The following ARID1B variants were observed in gnomAD, a reference collection of about 807,000 sequenced individuals.
The protein encoded by ARID1B is AT-rich interaction domain 1B, also known as AT-rich interactive domain-containing protein 1B.
In ARID1B, 30 loss-of-function variants were observed where a neutral mutation model predicts 212.3. The ratio of observed to expected loss-of-function variants is 0.14; its 90% CI spans 0.11 to 0.19. ARID1B has a LOEUF of 0.19. Ranked by LOEUF, ARID1B falls within the 10% of genes least tolerant of loss-of-function variation. The pLI, the probability that ARID1B is intolerant of heterozygous loss-of-function variation, is 1.00. For synonymous variants in ARID1B, 1,402 were observed against 1,301.7 expected, an observed-to-expected ratio of 1.08 and a Z score of -1.66; for missense variants, 2,891 against 3,204.0, an observed-to-expected ratio of 0.90 and a Z score of 2.36.
At chr6:157,186,510 G>C (rs987985883) in intron 13 of ARID1B, 2 of 471,070 alleles carry the variant, frequency 4.2e-6, no homozygotes, top group Admixed American at 2.3e-5. Context: ...GAAGCCTCTC[G>C]ATTCACTGCC....
At chr6:157,126,719 ATTTAC>A (rs1424810199) in intron 6 of ARID1B, among the ~76,000 whole-genome samples, 1 of 152,186 alleles carries the variant, frequency 6.6e-6, no homozygotes, top group African/African-American at 2.4e-5. Context: ...CATGTTAGAT[ATTTAC>A]TTGGGACCCT....
In ARID1B at chr6:157,148,910, C is replaced by T. The variant is rs374572368; in HGVS notation, c.3048C>T (p.Ala1016=). Residue 1016 remains alanine (A), a synonymous_variant, in exon 8 of 20, where the codon GCC becomes GCT. Transcript: ENST00000636930. The surrounding 1 kb of genome is among the most constrained non-coding windows in gnomAD (Gnocchi z 5.6). Reference sequence around the variant, plus strand: ...TGAACCGTAAGGCACAGGAGGCAGCCGCAGCAGTGATGCAGGCTGCTGCGA... The same window carrying T: ...TGAACCGTAAGGCACAGGAGGCAGCTGCAGCAGTGATGCAGGCTGCTGCGA... ...PTVNRKAQEA[A]AAVMQAAANS... 31 of 1,612,582 alleles carry T rather than the reference C, an allele frequency of 1.9e-5. No individual in the cohort carries two copies. Among genetic ancestry groups the T allele is most frequent in the Middle Eastern group, 1.6e-4 (1 of 6,084 alleles).
At chr6:157,189,213 T>C (rs923106721) in intron 13 of ARID1B, among the ~76,000 whole-genome samples, 2 of 152,238 alleles carry the variant, frequency 1.3e-5, no homozygotes, top group East Asian at 3.8e-4. Context: ...AGCACAATAA[T>C]TCATCGAGTT....
At chr6:157,108,401 G>C (rs1280189497) in intron 5 of ARID1B, among the ~76,000 whole-genome samples, 2 of 152,150 alleles carry the variant, frequency 1.3e-5, no homozygotes, top group Non-Finnish European at 2.9e-5. Context: ...TAGAATTACT[G>C]TTTGTTTTTA....
chr6:156,791,938 G>A (rs745975210), intron 1 of ARID1B, among the ~76,000 whole-genome samples: 7 of 151,976 alleles, frequency 4.6e-5, no homozygotes, highest in Admixed American at 1.3e-4. Flanking sequence ...TTGAATTTTT[G>A]TTTATTTCCT....
chr6:156,803,292 T>A (rs1780917919), intron 1 of ARID1B, among the ~76,000 whole-genome samples: 2 of 152,242 alleles, frequency 1.3e-5, no homozygotes, highest in Admixed American at 1.3e-4. Context: ...TTTATAATGT[T>A]GTATAATAGA....
chr6:157,126,196 G>A (rs1788126366), intron 6 of ARID1B, among the ~76,000 whole-genome samples: 1 of 152,064 alleles, frequency 6.6e-6, no homozygotes, highest in Non-Finnish European at 1.5e-5. Flanking sequence ...TTTTCATGGT[G>A]GTTTTCAGTT....
intron 4 of ARID1B, among the ~76,000 whole-genome samples, chr6:157,009,087 C>T (rs930985219): frequency 3.9e-5 from 6 of 152,104 alleles, no homozygotes; most frequent in African/African-American, 1.4e-4. Context: ...TTAAGATATT[C>T]TTCATATAGG....
rs573824556 is a variant in ARID1B, at chr6:156,803,168, T to C, written c.1791+23697T>C. ...CAACGATGTTTTCTTTTTATCAGAT[T>C]GACTCTAGTATGCAGAGATGATGGA... On this transcript the variant is annotated intron_variant, in intron 1 of 19. Coordinates refer to ENST00000636930, the MANE Select transcript of ARID1B (RefSeq NM_001374828.1). 3.3e-5 allele frequency among the ~76,000 whole-genome samples: 5 copies of C among 152,310 alleles called. No individual in the cohort carries two copies. In the East Asian group the frequency reaches 9.6e-4, roughly 29 times the overall value.
At chr6:157,139,364 G>T (rs369014320) in intron 7 of ARID1B, among the ~76,000 whole-genome samples, 5 of 152,282 alleles carry the variant, frequency 3.3e-5, no homozygotes, top group South Asian at 2.1e-4. Flanking sequence ...GAGGTCCATC[G>T]CTCTTCCATT....
chr6:156,793,537 T>C (rs1780155702), intron 1 of ARID1B, among the ~76,000 whole-genome samples: 1 of 152,154 alleles, frequency 6.6e-6, no homozygotes, highest in South Asian at 2.1e-4. Context: ...GGTCTCACTG[T>C]GTTGCCCGGG....
At chr6:157,159,763 C>G (rs1173177732) in intron 8 of ARID1B, among the ~76,000 whole-genome samples, 1 of 152,120 alleles carries the variant, frequency 6.6e-6, no homozygotes, top group African/African-American at 2.4e-5. Context: ...AAACAAGAGG[C>G]CCTGTGGGCA....
intron 6 of ARID1B, among the ~76,000 whole-genome samples, chr6:157,127,798 AAAAAAAAAC>A (rs933440971): frequency 6.7e-6 from 1 of 149,198 alleles, no homozygotes; most frequent in African/African-American, 2.5e-5. Context: ...AAAAAAAAAA[AAAAAAAAAC>A]AAAAATTAGC....
Position 157,180,951 on chromosome 6 carries a change from G to A in ARID1B, c.3505-18G>A, listed in dbSNP as rs2128316446. On this transcript the variant is annotated intron_variant, in intron 11 of 19. Coordinates refer to ENST00000636930, the MANE Select transcript of ARID1B (RefSeq NM_001374828.1). ...GCCCACCCATGCCCCACCTCCACAT[G>A]CTGCTTCTGGGTACTAGAAGTCCAG... 1 of 1,604,888 alleles carries A rather than the reference G, an allele frequency of 6.2e-7. No individual in the cohort carries two copies. Among genetic ancestry groups the A allele is most frequent in the Non-Finnish European group, 8.5e-7 (1 of 1,173,340 alleles).
chr6:156,834,707 G>T (rs1783381456), intron 2 of ARID1B, among the ~76,000 whole-genome samples: 1 of 152,160 alleles, frequency 6.6e-6, no homozygotes, highest in Admixed American at 6.5e-5. Context: ...TGATTTGCTT[G>T]TACACCTGAA....
At chr6:157,166,628 T>C (rs1791344261) in intron 8 of ARID1B, 1 of 154,180 alleles carries the variant, frequency 6.5e-6, no homozygotes, top group Non-Finnish European at 1.4e-5. Flanking sequence ...ATTCCCACAC[T>C]GCCCATTTGT....
intron 11 of ARID1B, among the ~76,000 whole-genome samples, chr6:157,178,564 C>T (rs1792276081): frequency 6.6e-6 from 1 of 152,154 alleles, no homozygotes; most frequent in African/African-American, 2.4e-5. Context: ...CTGACCGTGT[C>T]AGTTCCCTGC....
chr6:156,923,870 G>T (rs1475070633), intron 3 of ARID1B, among the ~76,000 whole-genome samples: 1 of 151,976 alleles, frequency 6.6e-6, no homozygotes, highest in Non-Finnish European at 1.5e-5. Flanking sequence ...ACCATGCCCA[G>T]CTAATTTTTG....
intron 4 of ARID1B, among the ~76,000 whole-genome samples, chr6:156,971,913 G>A (rs1277483003): frequency 6.6e-6 from 1 of 152,040 alleles, no homozygotes; most frequent in African/African-American, 2.4e-5. Context: ...TGGTTTAATG[G>A]TAGGATTGCT....
Sources: gnomAD v4.1 joint callset for allele counts (sites outside exome capture counted in the v4.1 genomes callset) on GRCh38, gnomAD v4.1.1 for gene constraint, Gnocchi (gnomAD v3.1) non-coding constraint, MANE v1.5 for transcripts, NCBI Gene and HGNC (gene_info 2026-07-23, HGNC 2026-07-21) for gene names.